The following IPO8 variants were observed in gnomAD, a reference collection of about 807,000 sequenced individuals.
IPO8 encodes importin-8.
Under a neutral mutation model 141.2 loss-of-function variants are expected in IPO8, and 65 were observed. The observed-to-expected ratio is 0.46, with a 90% CI of 0.38 to 0.57. The LOEUF (loss-of-function observed/expected upper bound fraction) is 0.57, where lower values mean the gene tolerates loss of function less well. Ranked by LOEUF, IPO8 falls within the 20% of genes least tolerant of loss-of-function variation. The probability of loss-of-function intolerance (pLI) is 0.00; values close to 1 mark genes in which losing one functional copy is unlikely to be tolerated. For synonymous variants in IPO8, 411 were observed against 420.3 expected (o/e 0.98, Z 0.27); for missense variants, 980 against 1,246.8 (o/e 0.79, Z 3.22).
chr12:30,663,687 T>TAATCC, intron 13 of IPO8, 33 bp from the exon 14 acceptor site: 2 of 1,522,304 alleles, frequency 1.3e-6, no homozygotes, highest in Non-Finnish European at 1.8e-6. Flanking sequence ...TAGGGAGCTA[T>TAATCC]TAGGATTATA....
intron 3 of IPO8, 47 bp from the exon 4 acceptor site, chr12:30,681,864 C>A (rs561954590): frequency 1.3e-6 from 2 of 1,497,962 alleles, no homozygotes; most frequent in South Asian, 1.2e-5. Context: ...ATTATAAATA[C>A]TGTGTTTCAA....
chr12:30,671,083 AT>A lies in IPO8; in HGVS notation c.922del (p.Ile308PhefsTer2). Reference sequence around the variant, plus strand: ...TTCTTTCTGTCTATATTGATCTAAAATTTTTAGTAGCACCTATAAGAAAACA... The same window carrying A: ...TTCTTTCTGTCTATATTGATCTAAAATTTTAGTAGCACCTATAAGAAAACA... Reference protein sequence around the residue: ...AVGIQQVLLKILDQYRQKEYV... With the variant: ...AVGIQQVLLKXLDQYRQKEYV... On this transcript the variant is annotated frameshift_variant, in exon 9 of 25. Coordinates refer to ENST00000256079, the MANE Select transcript of IPO8 (RefSeq NM_006390.4). LOFTEE classifies it high-confidence loss of function. The A allele has an allele frequency of 6.3e-7, 1 of 1,595,798 alleles. No homozygotes were observed.
chr12:30,635,061 G>A (rs1043223338), intron 22 of IPO8, among the ~76,000 whole-genome samples: 1 of 152,034 alleles, frequency 6.6e-6, no homozygotes, highest in Admixed American at 6.6e-5. Flanking sequence ...AATAAGCCAG[G>A]CACAGAAAGA....
chr12:30,669,703 C>T (rs1323107192), intron 9 of IPO8, among the ~76,000 whole-genome samples: 2 of 151,694 alleles, frequency 1.3e-5, no homozygotes, highest in East Asian at 3.9e-4. Flanking sequence ...GAGCTCAGGG[C>T]TGCAGTGAGC....
intron 16 of IPO8, among the ~76,000 whole-genome samples, chr12:30,659,678 C>T (rs1345965027): frequency 2.0e-5 from 3 of 150,856 alleles, no homozygotes; most frequent in Non-Finnish European, 4.4e-5. Context: ...GGTGAAACCC[C>T]GTCTCTAATA....
chr12:30,661,375 A>G, intron 15 of IPO8, 109 bp from the exon 16 acceptor site: 2 of 958,022 alleles, frequency 2.1e-6, no homozygotes, highest in Non-Finnish European at 1.4e-6. Flanking sequence ...GCATTGCTCA[A>G]ACTTTGAAGT....
intron 2 of IPO8, 103 bp downstream of exon 2, chr12:30,690,393 C>T (rs1435444568): frequency 2.8e-6 from 2 of 725,704 alleles, no homozygotes; most frequent in Non-Finnish European, 4.7e-6. Flanking sequence ...AGTGCTAGTG[C>T]TTCTGAATTT....
At chr12:30,646,989 C>T (rs538172924) in intron 20 of IPO8, among the ~76,000 whole-genome samples, 3 of 152,226 alleles carry the variant, frequency 2.0e-5, no homozygotes, top group Admixed American at 1.3e-4. Flanking sequence ...GAAAATTTAA[C>T]GGACCCTGTC....
chr12:30,675,651 C>T (rs1278276513), intron 6 of IPO8, among the ~76,000 whole-genome samples: 1 of 150,790 alleles, frequency 6.6e-6, no homozygotes, highest in African/African-American at 2.4e-5. Context: ...CACCGTGAAA[C>T]CCTGTCTCTA....
chr12:30,681,821 CAAAGT>C lies in IPO8; in HGVS notation c.324-9_324-5del. 6.2e-7 allele frequency: 1 copy of C among 1,604,310 alleles called. No homozygotes were observed. Among genetic ancestry groups the C allele is most frequent in the Non-Finnish European group, 8.5e-7 (1 of 1,175,498 alleles). ...GAGACACATTGTTAATTGGACTCTA[CAAAGT>C]AGGGAAGAAAAGTCCAAAATCTAAG... On this transcript the variant is annotated splice_polypyrimidine_tract_variant and splice_region_variant and intron_variant, in intron 3 of 24. Transcript: ENST00000256079.
At chr12:30,683,981 C>T (rs934871378) in intron 3 of IPO8, among the ~76,000 whole-genome samples, 2 of 152,128 alleles carry the variant, frequency 1.3e-5, no homozygotes, top group Non-Finnish European at 2.9e-5. Flanking sequence ...AGTAAAAAAA[C>T]TCAAGAGATC....
chr12:30,681,365 A>T (rs1057169579), intron 4 of IPO8, among the ~76,000 whole-genome samples: 3 of 152,220 alleles, frequency 2.0e-5, no homozygotes, highest in South Asian at 2.1e-4. Flanking sequence ...ATATAAAGGT[A>T]TCTCTATATC....
chr12:30,630,884 A>G lies in IPO8; in HGVS notation c.3090T>C (p.Phe1030=). 1.2e-6 allele frequency: 2 copies of G among 1,613,608 alleles called. No homozygotes were observed. The highest frequency in any genetic ancestry group is 1.7e-6 in the Non-Finnish European group (2 of 1,179,788). ...ENKGVLSAFN[F]GTVPSNN ...TTCAGTTGTTGCTGGGCACAGTCCC[A>G]AAATTAAATGCGGAGAGGACTCCTT... Residue 1030 remains phenylalanine, a synonymous_variant, in exon 25 of 25, where the codon TTT becomes TTC. Transcript: ENST00000256079.
chr12:30,674,859 G>A, intron 6 of IPO8, 106 bp from the exon 7 acceptor site: 1 of 771,630 alleles, frequency 1.3e-6, no homozygotes, highest in East Asian at 2.5e-5. Context: ...TATTAAATGT[G>A]AAGTTAGATT....
chr12:30,662,569 T>G (rs73077877), intron 14 of IPO8, 82 bp from the exon 15 acceptor site: 1 of 1,048,636 alleles, frequency 9.5e-7, no homozygotes, highest in Admixed American at 1.9e-5. Flanking sequence ...CAAGGTCAAG[T>G]GACCCAGGGT....
rs75538268 is a variant in IPO8, at chr12:30,637,329, A to G, written c.2490-142T>C. 4,720 of 665,834 alleles carry G rather than the reference A, an allele frequency of 7.1e-3. 145 individuals carry two copies. The African/African-American group carries it at 0.074, about 10-fold the overall frequency. The allele number at this position is 665,834 out of a possible 1,614,324, so 41.2% of individuals were successfully genotyped here. A position where few individuals can be genotyped will look rare whatever the true frequency, so the allele number is the denominator to read the frequency against. On this transcript the variant is annotated intron_variant, in intron 21 of 24. Coordinates refer to ENST00000256079, the MANE Select transcript of IPO8 (RefSeq NM_006390.4). ...CATACAGAGACATTCCCTGTTTTGT[A>G]CTGTATGAAATGCTATGTAAATCAA...
intron 16 of IPO8, among the ~76,000 whole-genome samples, chr12:30,659,264 C>T (rs1366649602): frequency 1.3e-5 from 2 of 152,032 alleles, no homozygotes; most frequent in African/African-American, 4.8e-5. Flanking sequence ...CCAAGGCGGG[C>T]ATATCACTTC....
chr12:30,661,298 T>C, intron 15 of IPO8, 32 bp from the exon 16 acceptor site: 1 of 1,555,438 alleles, frequency 6.4e-7, no homozygotes, highest in Non-Finnish European at 8.7e-7. Flanking sequence ...ATTCCGCAAT[T>C]AGTAGTACTG....
chr12:30,686,702 T>G (rs1271394536), intron 2 of IPO8: 1 of 152,110 alleles, frequency 6.6e-6, no homozygotes, highest in Non-Finnish European at 1.5e-5. Context: ...ACAAAATCAT[T>G]TTGATCCCTA....
Sources: gnomAD v4.1 joint callset for allele counts (sites outside exome capture counted in the v4.1 genomes callset) on GRCh38, gnomAD v4.1.1 for gene constraint, MANE v1.5 for transcripts, NCBI Gene and HGNC (gene_info 2026-07-23, HGNC 2026-07-21) for gene names.